PLCG2: variants seen among roughly 807,000 people sequenced by gnomAD.
PLCG2 encodes 1-phosphatidylinositol 4,5-bisphosphate phosphodiesterase gamma-2.
Under a neutral mutation model 175.6 loss-of-function variants are expected in PLCG2, and 69 were observed. That is an observed-to-expected ratio of 0.39 (90% CI 0.32 to 0.48). The LOEUF (loss-of-function observed/expected upper bound fraction) is 0.48, where lower values mean the gene tolerates loss of function less well. PLCG2 is among the 20% of genes least tolerant of loss of function. PLCG2 has a pLI of 0.91. For missense variants in PLCG2, 1,798 were observed against 1,650.9 expected (o/e 1.09, Z -1.54); for synonymous variants, 827 against 624.0 (o/e 1.33, Z -4.85).
chr16:81,759,337 A>G (rs1470201699), intron 2 of PLCG2, among the ~76,000 whole-genome samples: 1 of 152,208 alleles, frequency 6.6e-6, no homozygotes, highest in Non-Finnish European at 1.5e-5. Flanking sequence ...ATGTATAAAG[A>G]GATGGAAAAA....
At chr16:81,743,362 C>A (rs1909635926) in intron 1 of PLCG2, among the ~76,000 whole-genome samples, 1 of 152,168 alleles carries the variant, frequency 6.6e-6, no homozygotes, top group African/African-American at 2.4e-5. Context: ...AAAACAAAAA[C>A]AAAACAAAAG....
At chr16:81,935,417 G>A (rs1159115739) in intron 26 of PLCG2, 2 of 421,282 alleles carry the variant, frequency 4.7e-6, no homozygotes, top group Non-Finnish European at 6.3e-6. Flanking sequence ...GACATCTTTG[G>A]GGGCCATTTA....
At position 81,900,744 on chromosome 16, in the gene PLCG2, C is replaced by G; in HGVS notation, c.1326C>G (p.Pro442=). ...KPTEASADQL[P]SPSQLREKII... ...CGGAGGCCAGTGCTGACCAGCTGCC[C>G]TCGCCCAGCCAGCTGCGGGAGAAGA... Residue 442 remains proline (P), a synonymous_variant, in exon 14 of 33, where the codon CCC becomes CCG. Coordinates refer to ENST00000564138, the MANE Select transcript of PLCG2 (RefSeq NM_002661.5). 6.2e-7 allele frequency: 1 copy of G among 1,605,044 alleles called. No homozygotes were observed. The highest frequency in any genetic ancestry group is 8.5e-7 in the Non-Finnish European group (1 of 1,172,438).
chr16:81,921,603 G>A (rs1910064687), intron 21 of PLCG2: 1 of 370,352 alleles, frequency 2.7e-6, no homozygotes, highest in Non-Finnish European at 5.2e-6. Flanking sequence ...ATTCCATTTG[G>A]TTCACTGACC....
intron 2 of PLCG2, among the ~76,000 whole-genome samples, chr16:81,787,830 G>A (rs1911050809): frequency 6.6e-6 from 1 of 152,026 alleles, no homozygotes; most frequent in African/African-American, 2.4e-5. Context: ...TCCTATGTAT[G>A]TGGGCTTTTG....
chr16:81,743,143 A>G (rs1909631189), intron 1 of PLCG2, among the ~76,000 whole-genome samples: 1 of 152,206 alleles, frequency 6.6e-6, no homozygotes, highest in Non-Finnish European at 1.5e-5. Flanking sequence ...TCTACTAAAA[A>G]AAGAAAAGAC....
At chr16:81,860,010 G>A (rs1172933658) in intron 5 of PLCG2, among the ~76,000 whole-genome samples, 1 of 151,908 alleles carries the variant, frequency 6.6e-6, no homozygotes, top group Admixed American at 6.6e-5. Context: ...TCTGTCTGTT[G>A]CCCAGACTGG....
intron 2 of PLCG2, chr16:81,766,723 G>A (rs1910159174): frequency 6.6e-6 from 1 of 152,166 alleles, no homozygotes; most frequent in African/African-American, 2.4e-5. Context: ...TATATCCTCA[G>A]CTTCTAGAAC....
At position 81,962,237 on chromosome 16, in the gene PLCG2, C is replaced by G. The variant is rs539420276; in HGVS notation, c.*4239C>G. ...AAAGGATGGCTAAAAAGGACCTCAACCCTTTTGACTTTAAAAGGAAAATAG... is the reference window on the plus strand; with the variant it reads ...AAAGGATGGCTAAAAAGGACCTCAAGCCTTTTGACTTTAAAAGGAAAATAG... On this transcript the variant is annotated 3_prime_UTR_variant, in exon 33 of 33. Coordinates refer to ENST00000564138, the MANE Select transcript of PLCG2 (RefSeq NM_002661.5). The G allele has an allele frequency of 1.0e-5, 2 of 191,866 alleles. No homozygotes were observed. The highest frequency in any genetic ancestry group is 1.7e-4 in the East Asian group (2 of 11,974). 11.9% of individuals were successfully genotyped at this position (191,866 alleles called of 1,614,324 possible). A position where few individuals can be genotyped will look rare whatever the true frequency, so the allele number is the denominator to read the frequency against.
intron 1 of PLCG2, among the ~76,000 whole-genome samples, chr16:81,748,409 A>C (rs1909745191): frequency 6.6e-6 from 1 of 152,146 alleles, no homozygotes; most frequent in Non-Finnish European, 1.5e-5. Context: ...AAATTAAAAA[A>C]AAAAAAATGA....
intron 28 of PLCG2, 34 bp from the exon 29 acceptor site, chr16:81,938,767 A>C (rs1597145422): frequency 7.3e-7 from 1 of 1,363,232 alleles, no homozygotes; most frequent in Non-Finnish European, 1.0e-6. Context: ...TCAGGACCCC[A>C]GGGGGGTTCC....
chr16:81,806,152 A>T (rs999771486), intron 2 of PLCG2, among the ~76,000 whole-genome samples: 2 of 152,042 alleles, frequency 1.3e-5, no homozygotes, highest in Non-Finnish European at 2.9e-5. Flanking sequence ...ACACATCTTG[A>T]TTCAGACAGA....
intron 2 of PLCG2, among the ~76,000 whole-genome samples, chr16:81,791,608 A>G (rs1911234473): frequency 6.6e-6 from 1 of 152,210 alleles, no homozygotes; most frequent in South Asian, 2.1e-4. Flanking sequence ...TCTGTCACCC[A>G]GGCTGGAGTG....
chr16:81,825,459 A>G (rs1233925195), intron 2 of PLCG2, among the ~76,000 whole-genome samples: 1 of 151,802 alleles, frequency 6.6e-6, no homozygotes, highest in African/African-American at 2.4e-5. Context: ...ACACCTGGCT[A>G]GTTTTTTGTA....
chr16:81,937,765 C>A lies in PLCG2; in HGVS notation c.3060C>A (p.Tyr1020Ter). 6.2e-7 allele frequency: 1 copy of A among 1,613,840 alleles called. No individual in the cohort carries two copies. Among genetic ancestry groups the A allele is most frequent in the Non-Finnish European group, 8.5e-7 (1 of 1,179,810 alleles). Residue 1020 changes from tyrosine (Y) to a stop codon, truncating the protein, a stop_gained, in exon 28 of 33, where the codon TAC becomes TAA. Coordinates refer to ENST00000564138, the MANE Select transcript of PLCG2 (RefSeq NM_002661.5). LOFTEE classifies it high-confidence loss of function. ...GTTCACTTTCCTTCCCAGATAAGTA[C>A]ATGCAGATGAATCACGCATTGTTTT... The part of the protein sequence containing the change: ...VALNFQTADK[Y>*]MQMNHALFSL...
chr16:81,912,375 A>G (rs1909664762), intron 18 of PLCG2, among the ~76,000 whole-genome samples: 1 of 152,164 alleles, frequency 6.6e-6, no homozygotes. Context: ...CCAATGTATT[A>G]TTTTGGGCTT....
At chr16:81,742,144 A>G (rs1330008600) in intron 1 of PLCG2, among the ~76,000 whole-genome samples, 1 of 33,578 alleles carries the variant, frequency 3.0e-5, no homozygotes, top group East Asian at 1.0e-3. Flanking sequence ...AAAAGTTACC[A>G]TTGTGGGGGC....
chr16:81,742,182 T>G (rs1177329584), intron 1 of PLCG2, among the ~76,000 whole-genome samples: 2 of 149,866 alleles, frequency 1.3e-5, no homozygotes, highest in Admixed American at 6.6e-5. Flanking sequence ...TGGCTAAAAT[T>G]GAAAAGGTAG....
rs1911109244 is a variant in PLCG2 at position 81,945,377 on chromosome 16, G to C, written c.3482-798G>C. Among the ~76,000 whole-genome samples the C allele has an allele frequency of 5.3e-5, 8 of 152,328 alleles. No homozygotes were observed. The South Asian group carries it at 1.7e-3, about 32-fold the overall frequency. On this transcript the variant is annotated intron_variant, in intron 30 of 32. Coordinates refer to ENST00000564138, the MANE Select transcript of PLCG2 (RefSeq NM_002661.5). The stretch of plus-strand genomic sequence containing the variant: ...TGAGATACAATGCTAACTGGGTAAG[G>C]CACTATCATTTGTGATTAAAAGCAA...
Sources: gnomAD v4.1 joint callset for allele counts (sites outside exome capture counted in the v4.1 genomes callset) on GRCh38, gnomAD v4.1.1 for gene constraint, MANE v1.5 for transcripts, NCBI Gene and HGNC (gene_info 2026-07-23, HGNC 2026-07-21) for gene names.